Variants in GABRB2 observed in about 807,000 individuals in gnomAD.
GABRB2 encodes gamma-aminobutyric acid receptor subunit beta-2.
In GABRB2, 16 loss-of-function variants were observed where a neutral mutation model predicts 54.7. That is an observed-to-expected ratio of 0.29 (90% CI 0.20 to 0.44). GABRB2 has a LOEUF of 0.44. Ranked by LOEUF, GABRB2 falls within the 20% of genes least tolerant of loss-of-function variation. GABRB2 has a pLI of 1.00. For missense variants in GABRB2, 355 were observed against 644.0 expected (o/e 0.55, Z 4.86); for synonymous variants, 244 against 233.8 (o/e 1.04, Z -0.40).
At chr5:161,486,434 C>T (rs1050325010) in intron 3 of GABRB2, among the ~76,000 whole-genome samples, 1 of 151,936 alleles carries the variant, frequency 6.6e-6, no homozygotes, top group African/African-American at 2.4e-5. Context: ...AAAATGCGCA[C>T]TGTAAGGCAC....
chr5:161,546,755 T>C (rs1388602369), upstream of GABRB2: 15 of 1,472,940 alleles, frequency 1.0e-5, no homozygotes, highest in Non-Finnish European at 1.4e-5. Context: ...TACCAAAACA[T>C]CAAAGGGGAA....
intron 5 of GABRB2, among the ~76,000 whole-genome samples, chr5:161,362,710 G>A (rs1386852882): frequency 6.6e-6 from 1 of 152,106 alleles, no homozygotes; most frequent in Non-Finnish European, 1.5e-5. Context: ...TCAAAAGGTA[G>A]GTGAAGGATA....
At chr5:161,486,054 A>G (rs568500780) in intron 3 of GABRB2, among the ~76,000 whole-genome samples, 2 of 151,958 alleles carry the variant, frequency 1.3e-5, no homozygotes, top group Non-Finnish European at 2.9e-5. Flanking sequence ...GACTGGGACA[A>G]TACGTTCCCT....
At position 161,292,385 on chromosome 5, in the gene GABRB2, A is replaced by T. The variant is rs1757263088; in HGVS notation, c.*1696T>A. 6.6e-6 allele frequency: 1 copy of T among 152,234 alleles called. No individual in the cohort carries two copies. The highest frequency in any genetic ancestry group is 1.9e-4 in the East Asian group (1 of 5,204). 9.4% of individuals were successfully genotyped at this position (152,234 alleles called of 1,614,324 possible). ...AAAAAGTTCAATCAAATTCAACTTTAAGGAAAATTTAGCAATTCACTATTT... is the reference window on the plus strand; with the variant it reads ...AAAAAGTTCAATCAAATTCAACTTTTAGGAAAATTTAGCAATTCACTATTT... On this transcript the variant is annotated 3_prime_UTR_variant, in exon 10 of 10. Transcript: ENST00000393959.
intron 5 of GABRB2, among the ~76,000 whole-genome samples, chr5:161,363,751 A>G (rs994177654): frequency 2.0e-5 from 3 of 152,282 alleles, no homozygotes; most frequent in African/African-American, 7.2e-5. Context: ...TTCTTTCTTT[A>G]GCTGCAGAAA....
intron 4 of GABRB2, among the ~76,000 whole-genome samples, chr5:161,419,293 A>G (rs1402072956): frequency 1.3e-5 from 2 of 152,250 alleles, no homozygotes; most frequent in African/African-American, 2.4e-5. Flanking sequence ...GGCTATTATG[A>G]AAAAGTAAAA....
rs556183104 is a variant in GABRB2 at position 161,435,433 on chromosome 5, T to C, written c.458+24191A>G. Among the ~76,000 whole-genome samples, 137 of 152,310 alleles carry C rather than the reference T, an allele frequency of 9.0e-4. 1 individual carries two copies. In the South Asian group the frequency reaches 0.023, roughly 25 times the overall value. ...TCTGTGAAAATAAAAAAACATTTAT[T>C]CAAAGAATATAGAAGGAAATTCTGC... On this transcript the variant is annotated intron_variant, in intron 4 of 9. Transcript: ENST00000393959.
intron 3 of GABRB2, among the ~76,000 whole-genome samples, chr5:161,469,655 G>T (rs1009851947): frequency 6.8e-6 from 1 of 146,464 alleles, no homozygotes; most frequent in African/African-American, 2.6e-5. Context: ...ATACTCAGAG[G>T]AGATGGAAAC....
chr5:161,359,226 C>T (rs759290930), intron 5 of GABRB2, among the ~76,000 whole-genome samples: 6 of 151,990 alleles, frequency 3.9e-5, no homozygotes, highest in East Asian at 1.9e-4. Context: ...GAAAAAAATA[C>T]GTATTCAATA....
chr5:161,447,447 T>C (rs981352036), intron 4 of GABRB2, among the ~76,000 whole-genome samples: 12 of 152,194 alleles, frequency 7.9e-5, no homozygotes, highest in Non-Finnish European at 1.5e-4. Flanking sequence ...AATTATTTTC[T>C]CCATTATGGC....
chr5:161,499,659 T>C (rs934713732), intron 3 of GABRB2, among the ~76,000 whole-genome samples: 3 of 152,202 alleles, frequency 2.0e-5, no homozygotes, highest in Admixed American at 1.3e-4. Flanking sequence ...GTTCTTCTAA[T>C]ATAAGAACTA....
At chr5:161,502,229 G>A (rs903011778) in intron 3 of GABRB2, among the ~76,000 whole-genome samples, 2 of 151,730 alleles carry the variant, frequency 1.3e-5, no homozygotes, top group African/African-American at 4.8e-5. Flanking sequence ...AAGTTGATTT[G>A]ATACAATGAA....
chr5:161,486,050 G>A (rs1240458499), intron 3 of GABRB2, among the ~76,000 whole-genome samples: 4 of 151,876 alleles, frequency 2.6e-5, no homozygotes, highest in African/African-American at 9.7e-5. Flanking sequence ...CTGGGACTGG[G>A]ACAATACGTT....
chr5:161,316,447 TG>T (rs750589602), intron 9 of GABRB2, among the ~76,000 whole-genome samples: 371 of 152,342 alleles, frequency 2.4e-3, no homozygotes, highest in Non-Finnish European at 4.4e-3. Flanking sequence ...GCGGTCAGCA[TG>T]GGTTTGCCTA....
rs529571108 is a variant in GABRB2 at position 161,290,248 on chromosome 5, T to C, written c.*3833A>G. 6.9e-6 allele frequency: 1 copy of C among 144,400 alleles called. No homozygotes were observed. The highest frequency in any genetic ancestry group is 2.0e-4 in the East Asian group (1 of 5,096). The allele number at this position is 144,400 out of a possible 1,614,324, so 8.9% of individuals were successfully genotyped here. Reference sequence around the variant, plus strand: ...CCCTAACCAACATGGTGGGGTTTAGTTTTTTTTTTTTCTTCCTCTTTGGAG... The same window carrying C: ...CCCTAACCAACATGGTGGGGTTTAGCTTTTTTTTTTTCTTCCTCTTTGGAG... On this transcript the variant is annotated 3_prime_UTR_variant, in exon 10 of 10. Coordinates refer to ENST00000393959, the MANE Select transcript of GABRB2 (RefSeq NM_001371727.1).
chr5:161,530,989 A>G (rs1429254850), intron 3 of GABRB2, among the ~76,000 whole-genome samples: 1 of 152,176 alleles, frequency 6.6e-6, no homozygotes, highest in Non-Finnish European at 1.5e-5. Flanking sequence ...TCTTCAGTCT[A>G]TTAACTCAAA....
intron 4 of GABRB2, among the ~76,000 whole-genome samples, chr5:161,435,295 C>A (rs1487246007): frequency 6.6e-6 from 1 of 151,902 alleles, no homozygotes; most frequent in Non-Finnish European, 1.5e-5. Context: ...GAATTATACA[C>A]AAATATGGTA....
chr5:161,456,973 A>G (rs1757971880), intron 4 of GABRB2, among the ~76,000 whole-genome samples: 1 of 152,186 alleles, frequency 6.6e-6, no homozygotes, highest in Non-Finnish European at 1.5e-5. Flanking sequence ...AATAAAAGCT[A>G]ACTTTAACTG....
chr5:161,460,554 TA>T (rs1758093009), intron 3 of GABRB2, among the ~76,000 whole-genome samples: 1 of 152,204 alleles, frequency 6.6e-6, no homozygotes, highest in African/African-American at 2.4e-5. Flanking sequence ...AGGTGAGATA[TA>T]AACACAATTT....
Sources: allele counts gnomAD v4.1 joint callset (sites outside exome capture counted in the v4.1 genomes callset), GRCh38; gene constraint gnomAD v4.1.1; transcripts MANE v1.5; gene names NCBI Gene and HGNC (gene_info 2026-07-23, HGNC 2026-07-21).